The following GABRG1 variants were observed in gnomAD, a reference collection of about 807,000 sequenced individuals.
The protein encoded by GABRG1 is gamma-aminobutyric acid receptor subunit gamma-1.
Under a neutral mutation model 49.8 loss-of-function variants are expected in GABRG1, and 49 were observed. That is an observed-to-expected ratio of 0.98 (90% CI 0.78 to 1.25). GABRG1 has a LOEUF of 1.25. Ranked by LOEUF, GABRG1 falls within the 50% of genes most tolerant of loss-of-function variation. GABRG1 has a pLI of 0.00. For missense variants in GABRG1, 552 were observed against 552.3 expected (o/e 1.00, Z 0.01); for synonymous variants, 232 against 185.1 (o/e 1.25, Z -2.06).
chr4:46,091,022 G>C (rs1257403410), intron 2 of GABRG1, among the ~76,000 whole-genome samples: 1 of 150,788 alleles, frequency 6.6e-6, no homozygotes, highest in African/African-American at 2.4e-5. Flanking sequence ...TTCTACATGG[G>C]ATTTCCCCTC....
Position 46,069,689 on chromosome 4 carries a change from G to A in GABRG1, c.322-4105C>T, listed in dbSNP as rs1052678871. 4.6e-5 allele frequency among the ~76,000 whole-genome samples: 7 copies of A among 152,008 alleles called. No individual in the cohort carries two copies. In the East Asian group the frequency reaches 5.8e-4, roughly 13 times the overall value. ...TAGATTGCCAAAGGCACATAGCATC[G>A]TGTGCATTCATCAATTAAATTTTTA... On this transcript the variant is annotated intron_variant, in intron 3 of 8. Transcript: ENST00000295452.
At chr4:46,115,635 G>A (rs1720860636) in intron 1 of GABRG1, among the ~76,000 whole-genome samples, 1 of 150,746 alleles carries the variant, frequency 6.6e-6, no homozygotes, top group African/African-American at 2.4e-5. Context: ...AATGATTTAG[G>A]AGAAAGAAGT....
intron 8 of GABRG1, among the ~76,000 whole-genome samples, chr4:46,049,266 A>G (rs1243857858): frequency 2.0e-5 from 3 of 151,860 alleles, no homozygotes; most frequent in Non-Finnish European, 4.4e-5. Flanking sequence ...TGAGACAACA[A>G]CAAACAGAGT....
intron 4 of GABRG1, among the ~76,000 whole-genome samples, chr4:46,064,838 A>T (rs1043708173): frequency 6.6e-6 from 1 of 152,158 alleles, no homozygotes; most frequent in African/African-American, 2.4e-5. Flanking sequence ...ATAGCAGATT[A>T]ACAGATTATA....
At chr4:46,082,042 G>A (rs969053375) in intron 3 of GABRG1, among the ~76,000 whole-genome samples, 2 of 151,806 alleles carry the variant, frequency 1.3e-5, no homozygotes, top group Admixed American at 1.3e-4. Flanking sequence ...AAAGGCAAAA[G>A]CGAAGGAGAG....
chr4:46,078,515 A>G (rs528485830), intron 3 of GABRG1, among the ~76,000 whole-genome samples: 2 of 152,072 alleles, frequency 1.3e-5, no homozygotes, highest in Non-Finnish European at 2.9e-5. Context: ...AGAGGGTGAG[A>G]AAGAGATCAG....
chr4:46,123,253 C>T (rs939811703), intron 1 of GABRG1, among the ~76,000 whole-genome samples: 95 of 151,800 alleles, frequency 6.3e-4, no homozygotes, highest in Non-Finnish European at 1.5e-5. Flanking sequence ...TCAGTTTTTA[C>T]TTGGATACTA....
chr4:46,048,410 G>T (rs1018496424), intron 8 of GABRG1, among the ~76,000 whole-genome samples: 3 of 150,120 alleles, frequency 2.0e-5, no homozygotes, highest in Non-Finnish European at 4.4e-5. Context: ...AAGGAAGGAA[G>T]GAAGGAAGGA....
rs1281786668 is a variant in GABRG1 at position 46,101,664 on chromosome 4, C to T, written c.105-4315G>A. Among the ~76,000 whole-genome samples, 4 of 151,560 alleles carry T rather than the reference C, an allele frequency of 2.6e-5. No homozygotes were observed. The East Asian group carries it at 7.8e-4, about 30-fold the overall frequency. ...TAATAAAGGAGAAAACATTTTCAAT[C>T]CAATGACACAGAAAAGCATCAGACA... On this transcript the variant is annotated intron_variant, in intron 1 of 8. Transcript: ENST00000295452.
intron 3 of GABRG1, among the ~76,000 whole-genome samples, chr4:46,077,544 T>C (rs1190828563): frequency 1.3e-5 from 2 of 152,094 alleles, no homozygotes; most frequent in South Asian, 2.1e-4. Flanking sequence ...AAACTATTTT[T>C]ATGAAGAACA....
chr4:46,091,651 A>G (rs1497576), intron 2 of GABRG1, among the ~76,000 whole-genome samples: 75,953 of 151,828 alleles, frequency 0.5, 19,330 homozygotes, highest in African/African-American at 0.53. Context: ...GAGCAGATTG[A>G]AACACAAATA....
At chr4:46,067,828 G>A (rs1308512303) in intron 3 of GABRG1, among the ~76,000 whole-genome samples, 1 of 152,106 alleles carries the variant, frequency 6.6e-6, no homozygotes, top group Non-Finnish European at 1.5e-5. Flanking sequence ...TCATCTTATT[G>A]AGTAATATTA....
At chr4:46,078,120 C>T (rs4510495) in intron 3 of GABRG1, among the ~76,000 whole-genome samples, 86,333 of 151,228 alleles carry the variant, frequency 0.57, 25,128 homozygotes, top group African/African-American at 0.65. Context: ...AAATTAAAAC[C>T]ATAGTTTCAA....
intron 7 of GABRG1, among the ~76,000 whole-genome samples, chr4:46,057,455 A>C (rs892984621): frequency 1.3e-5 from 2 of 152,074 alleles, no homozygotes; most frequent in African/African-American, 4.8e-5. Context: ...TTGGGGGGTG[A>C]ATCAATTGAT....
chr4:46,054,812 C>CTG (rs1718371367), intron 7 of GABRG1, among the ~76,000 whole-genome samples: 1 of 15,090 alleles, frequency 6.6e-5, no homozygotes, highest in Non-Finnish European at 1.1e-4. Flanking sequence ...AATTTGACTT[C>CTG]CTCTTTTCCT....
At chr4:46,088,279 C>T (rs1719855399) in intron 2 of GABRG1, among the ~76,000 whole-genome samples, 1 of 151,940 alleles carries the variant, frequency 6.6e-6, no homozygotes, top group Non-Finnish European at 1.5e-5. Flanking sequence ...GAAAAATTGT[C>T]CCACATTTAA....
intron 1 of GABRG1, among the ~76,000 whole-genome samples, chr4:46,110,697 C>T (rs555081708): frequency 2.0e-5 from 3 of 150,974 alleles, no homozygotes; most frequent in Middle Eastern, 3.4e-3. Context: ...GGTTGGTTCA[C>T]CATATGCAAA....
chr4:46,066,666 G>A (rs1718931188), intron 3 of GABRG1, among the ~76,000 whole-genome samples: 1 of 151,980 alleles, frequency 6.6e-6, no homozygotes, highest in Non-Finnish European at 1.5e-5. Context: ...CATAGTAACT[G>A]TAATTAGGAA....
At chr4:46,045,995 A>T (rs1717983744) in intron 8 of GABRG1, among the ~76,000 whole-genome samples, 1 of 152,278 alleles carries the variant, frequency 6.6e-6, no homozygotes, top group Admixed American at 6.6e-5. Flanking sequence ...TCAGAAATAC[A>T]ATGAAAATAA....
Sources: gnomAD v4.1 joint callset for allele counts (sites outside exome capture counted in the v4.1 genomes callset) on GRCh38, gnomAD v4.1.1 for gene constraint, MANE v1.5 for transcripts, NCBI Gene and HGNC (gene_info 2026-07-23, HGNC 2026-07-21) for gene names.